The following MIS18A variants were observed in gnomAD, a reference collection of about 807,000 sequenced individuals.
MIS18A encodes protein Mis18-alpha.
A neutral mutation model predicts 25.0 loss-of-function variants in MIS18A; 14 were observed. That is an observed-to-expected ratio of 0.56 (90% CI 0.37 to 0.88). The LOEUF is 0.88. Among genes scored for constraint, MIS18A ranks in the 40% least tolerant of loss-of-function variants. MIS18A has a pLI of 0.00. For synonymous variants in MIS18A, 134 were observed against 118.6 expected, an observed-to-expected ratio of 1.13 and a Z score of -0.84; for missense variants, 292 against 290.8, an observed-to-expected ratio of 1.00 and a Z score of -0.03.
intron 1 of MIS18A, chr21:32,278,440 C>T: frequency 3.7e-6 from 2 of 534,736 alleles, no homozygotes; most frequent in Non-Finnish European, 3.3e-6. Flanking sequence ...CACGATGATG[C>T]TGATTCAACC....
the MIS18A span, among the ~76,000 whole-genome samples, chr21:32,232,458 T>C: frequency 1.3e-5 from 2 of 151,408 alleles, no homozygotes; most frequent in East Asian, 3.9e-4. Flanking sequence ...CTTTAGAGTA[T>C]CCATCATTTT....
chr21:32,185,692 C>A, the MIS18A span, among the ~76,000 whole-genome samples: 1 of 152,088 alleles, frequency 6.6e-6, no homozygotes, highest in African/African-American at 2.4e-5. Flanking sequence ...ACCTCTCATT[C>A]CTCCCTCCCA....
chr21:32,196,932 T>C, the MIS18A span, among the ~76,000 whole-genome samples: 1 of 152,146 alleles, frequency 6.6e-6, no homozygotes, highest in Admixed American at 6.5e-5. Context: ...AAGTCCATGG[T>C]TCACACGTGT....
At chr21:32,228,454 C>A in the MIS18A span, among the ~76,000 whole-genome samples, 13 of 152,168 alleles carry the variant, frequency 8.5e-5, no homozygotes, top group African/African-American at 1.4e-4. Context: ...GAAAGTATGT[C>A]CCCTCTCTGC....
the MIS18A span, among the ~76,000 whole-genome samples, chr21:32,220,344 A>C: frequency 2.6e-5 from 4 of 152,234 alleles, no homozygotes; most frequent in Non-Finnish European, 5.9e-5. Flanking sequence ...CAGGATCTGG[A>C]GTGGACCTCC....
At chr21:32,231,176 C>A in the MIS18A span, among the ~76,000 whole-genome samples, 1,609 of 147,528 alleles carry the variant, frequency 0.011, 31 homozygotes, top group African/African-American at 0.038. Flanking sequence ...GTAGAGGTTG[C>A]AGTGAGCCAA....
At chr21:32,161,749 C>A in the MIS18A span, among the ~76,000 whole-genome samples, 11 of 149,706 alleles carry the variant, frequency 7.3e-5, no homozygotes, top group East Asian at 2.1e-3. Flanking sequence ...ACCTTGGCCT[C>A]CCAAAGTGCT....
At chr21:32,173,360 G>A in the MIS18A span, among the ~76,000 whole-genome samples, 9 of 152,174 alleles carry the variant, frequency 5.9e-5, no homozygotes, top group South Asian at 1.9e-3. Context: ...ATAAAATGGT[G>A]CAGTAACTTT....
At chr21:32,232,153 A>G in the MIS18A span, among the ~76,000 whole-genome samples, 708 of 152,262 alleles carry the variant, frequency 4.6e-3, 2 homozygotes, top group Non-Finnish European at 7.2e-3. Context: ...ATCTCTATAT[A>G]TCTATACCTA....
At chr21:32,213,378 C>T in the MIS18A span, among the ~76,000 whole-genome samples, 55,868 of 151,724 alleles carry the variant, frequency 0.37, 10,390 homozygotes, top group East Asian at 0.45. Context: ...AGAATTCACT[C>T]CATGATAATA....
chr21:32,226,187 G>A, the MIS18A span, among the ~76,000 whole-genome samples: 2 of 142,702 alleles, frequency 1.4e-5, no homozygotes, highest in African/African-American at 2.7e-5. Flanking sequence ...GCTAGATGAC[G>A]AGTTAGTGGG....
chr21:32,187,452 A>C, the MIS18A span, among the ~76,000 whole-genome samples: 1,301 of 152,270 alleles, frequency 8.5e-3, 27 homozygotes, highest in African/African-American at 0.028. Context: ...GCATGAAACC[A>C]GTTAGTCATC....
the MIS18A span, among the ~76,000 whole-genome samples, chr21:32,218,936 T>C: frequency 6.6e-6 from 1 of 151,788 alleles, no homozygotes; most frequent in Admixed American, 6.6e-5. Context: ...GGTATGGTAG[T>C]GCGCACCTGT....
chr21:32,255,253 C>T, the MIS18A span, among the ~76,000 whole-genome samples: 1 of 150,348 alleles, frequency 6.7e-6, no homozygotes, highest in Non-Finnish European at 1.5e-5. Context: ...TTTCTTGAGA[C>T]GGAGTCTTGC....
At chr21:32,183,703 C>T in the MIS18A span, among the ~76,000 whole-genome samples, 1 of 152,138 alleles carries the variant, frequency 6.6e-6, no homozygotes, top group African/African-American at 2.4e-5. Context: ...AGATCCAAAA[C>T]AATATTTGCA....
At chr21:32,221,613 C>T in the MIS18A span, among the ~76,000 whole-genome samples, 3 of 151,726 alleles carry the variant, frequency 2.0e-5, no homozygotes, top group Non-Finnish European at 4.4e-5. Context: ...GGTGTGGTGG[C>T]TCACACCTGT....
chr21:32,211,247 G>C, the MIS18A span, among the ~76,000 whole-genome samples: 1 of 152,132 alleles, frequency 6.6e-6, no homozygotes, highest in Non-Finnish European at 1.5e-5. Context: ...CAACATGTTG[G>C]TCAGGCTGGT....
chr21:32,205,753 AG>A, the MIS18A span, among the ~76,000 whole-genome samples: 14 of 152,144 alleles, frequency 9.2e-5, no homozygotes, highest in Non-Finnish European at 1.5e-4. Flanking sequence ...TGGCTGCCTG[AG>A]GGGGTTGGCA....
the MIS18A span, among the ~76,000 whole-genome samples, chr21:32,239,825 C>T: frequency 2.5e-4 from 38 of 152,258 alleles, no homozygotes; most frequent in African/African-American, 5.5e-4. Context: ...AAAAGTGCTA[C>T]GGGATTGGCA....
Sources: allele counts gnomAD v4.1 joint callset (sites outside exome capture counted in the v4.1 genomes callset), GRCh38; gene constraint gnomAD v4.1.1; transcripts MANE v1.5; gene names NCBI Gene and HGNC (gene_info 2026-07-23, HGNC 2026-07-21).